The following RAB11FIP3 variants were observed in gnomAD, a reference collection of about 807,000 sequenced individuals.
RAB11FIP3 encodes the protein rab11 family-interacting protein 3.
A neutral mutation model predicts 77.8 loss-of-function variants in RAB11FIP3; 17 were observed. That is an observed-to-expected ratio of 0.22 (90% CI 0.15 to 0.33). The LOEUF is 0.33. RAB11FIP3 is among the 10% of genes least tolerant of loss of function. The probability of loss-of-function intolerance (pLI) is 1.00; values close to 1 mark genes in which losing one functional copy is unlikely to be tolerated. For missense variants in RAB11FIP3, 1,005 were observed against 1,011.2 expected, an observed-to-expected ratio of 0.99 and a Z score of 0.08; for synonymous variants, 437 against 448.2, an observed-to-expected ratio of 0.98 and a Z score of 0.31.
intron 1 of RAB11FIP3, among the ~76,000 whole-genome samples, chr16:459,431 CTTTT>C (rs56705738): frequency 1.7e-5 from 2 of 117,448 alleles, no homozygotes; most frequent in Non-Finnish European, 1.8e-5. Flanking sequence ...CAGCTTCAAA[CTTTT>C]TTTTTTTTTT....
intron 1 of RAB11FIP3, among the ~76,000 whole-genome samples, chr16:441,840 TTTTG>T (rs916272283): frequency 2.6e-5 from 4 of 152,212 alleles, no homozygotes; most frequent in East Asian, 3.9e-4. Flanking sequence ...AATCATGCTT[TTTTG>T]TTTGTTTGTT....
intron 2 of RAB11FIP3, among the ~76,000 whole-genome samples, chr16:467,501 GGCGTC>G (rs1317580205): frequency 4.7e-5 from 7 of 148,746 alleles, no homozygotes; most frequent in East Asian, 4.0e-4. Flanking sequence ...GAGGTGCAGG[GGCGTC>G]AGGGAGGAGG....
chr16:491,063 C>G, intron 5 of RAB11FIP3: 1 of 1,232,278 alleles, frequency 8.1e-7, no homozygotes. Context: ...TCCCCTCGGC[C>G]CCTCGTGCGG....
At chr16:484,540 A>T (rs1455367016) in intron 4 of RAB11FIP3, among the ~76,000 whole-genome samples, 1 of 152,098 alleles carries the variant, frequency 6.6e-6, no homozygotes, top group Non-Finnish European at 1.5e-5. Context: ...TTTAGTAGAG[A>T]CGGGGTTTCA....
In RAB11FIP3 at chr16:505,801, T is replaced by A. The variant is rs551601620; in HGVS notation, c.1499+174T>A. Among the ~76,000 whole-genome samples, 1 of 152,314 alleles carries A rather than the reference T, an allele frequency of 6.6e-6. No individual in the cohort carries two copies. Among genetic ancestry groups the A allele is most frequent in the African/African-American group, 2.4e-5 (1 of 41,558 alleles). On this transcript the variant is annotated intron_variant, in intron 8 of 13. Transcript: ENST00000262305. The surrounding 1 kb of genome is among the most constrained non-coding windows in gnomAD (Gnocchi z 4.0). ...GGTCATCTGAGCCTACCCAGTGGGCTGCAGGCAGGCGACCCGAGGCTCTGA... is the reference window on the plus strand; with the variant it reads ...GGTCATCTGAGCCTACCCAGTGGGCAGCAGGCAGGCGACCCGAGGCTCTGA...
chr16:454,295 C>T (rs2055459151), intron 1 of RAB11FIP3, among the ~76,000 whole-genome samples: 1 of 152,182 alleles, frequency 6.6e-6, no homozygotes, highest in Admixed American at 6.5e-5. Flanking sequence ...AAAACTGTCT[C>T]TAGCCAGGCA....
At chr16:443,693 A>G (rs977227794) in intron 1 of RAB11FIP3, among the ~76,000 whole-genome samples, 17 of 152,076 alleles carry the variant, frequency 1.1e-4, no homozygotes, top group Non-Finnish European at 2.1e-4. Flanking sequence ...AGCCTCCCGA[A>G]TAGCTGGGAC....
intron 3 of RAB11FIP3, 106 bp from the exon 4 acceptor site, chr16:482,419 C>G (rs1253971276): frequency 1.9e-6 from 2 of 1,052,106 alleles, no homozygotes; most frequent in Middle Eastern, 2.0e-4. Context: ...CGTCAGACCC[C>G]TCCCTCCACA....
At chr16:451,850 A>G (rs966173428) in intron 1 of RAB11FIP3, among the ~76,000 whole-genome samples, 4 of 150,226 alleles carry the variant, frequency 2.7e-5, no homozygotes, top group Admixed American at 1.3e-4. Flanking sequence ...CAAACAAAGG[A>G]AAAAAACAAA....
At chr16:433,456 A>G (rs1404208408) in intron 1 of RAB11FIP3, among the ~76,000 whole-genome samples, 1 of 151,766 alleles carries the variant, frequency 6.6e-6, no homozygotes, top group Non-Finnish European at 1.5e-5. Flanking sequence ...AAAACGTGAT[A>G]TTTGTCTTTC....
In RAB11FIP3 at chr16:426,410, C is replaced by G; in HGVS notation, c.404C>G (p.Ala135Gly). The G allele has an allele frequency of 6.3e-7, 1 of 1,583,372 alleles. No homozygotes were observed. The highest frequency in any genetic ancestry group is 8.6e-7 in the Non-Finnish European group (1 of 1,166,616). Residue 135 changes from alanine (A) to glycine (G), a missense_variant, in exon 1 of 14, where the codon GCG (alanine) becomes GGG (glycine). Coordinates refer to ENST00000262305, the MANE Select transcript of RAB11FIP3 (RefSeq NM_014700.4). This position sits in a 1 kb window ranked among gnomAD's most constrained non-coding sequence, Gnocchi z 5.0. ...GAGGAGCCCGAGGAGTGTGGCCCCG[C>G]GAGCTGCCCGGAGAGCGCGCCTTTC... ...WTEEPEECGPASCPESAPFRL... is the reference protein window; with the variant it reads ...WTEEPEECGPGSCPESAPFRL...
chr16:460,423 A>T (rs755154662), intron 1 of RAB11FIP3, among the ~76,000 whole-genome samples: 2 of 152,102 alleles, frequency 1.3e-5, no homozygotes, highest in African/African-American at 2.4e-5. Flanking sequence ...CCATCAGCTG[A>T]GTATTAAGCC....
intron 1 of RAB11FIP3, among the ~76,000 whole-genome samples, chr16:432,941 A>C (rs1164414556): frequency 6.8e-6 from 1 of 146,450 alleles, no homozygotes; most frequent in Non-Finnish European, 1.5e-5. Context: ...ATATTTGTAC[A>C]TATTCATGGG....
intron 2 of RAB11FIP3, among the ~76,000 whole-genome samples, chr16:468,262 G>GCTGGGGCGT (rs1567374320): frequency 2.0e-5 from 2 of 101,964 alleles, no homozygotes; most frequent in Non-Finnish European, 2.1e-5. Flanking sequence ...GGGAGGAGGT[G>GCTGGGGCGT]CAGGGAAGTC....
intron 3 of RAB11FIP3, among the ~76,000 whole-genome samples, chr16:478,042 G>C (rs2055955095): frequency 6.6e-6 from 1 of 152,170 alleles, no homozygotes; most frequent in Non-Finnish European, 1.5e-5. Flanking sequence ...TTTAATAAAG[G>C]GGCCAAAGAT....
chr16:447,129 ACT>A (rs1198312047), intron 1 of RAB11FIP3, among the ~76,000 whole-genome samples: 2 of 150,832 alleles, frequency 1.3e-5, no homozygotes, highest in Non-Finnish European at 3.0e-5. Flanking sequence ...ATATAGTGAG[ACT>A]CTGTTTCTAC....
At chr16:473,030 G>C (rs528351570) in intron 3 of RAB11FIP3, among the ~76,000 whole-genome samples, 55 of 152,302 alleles carry the variant, frequency 3.6e-4, no homozygotes, top group African/African-American at 1.3e-3. Context: ...GCAGGAGCCA[G>C]CCCTGCTCAC....
intron 2 of RAB11FIP3, among the ~76,000 whole-genome samples, chr16:462,284 C>G (rs1330774159): frequency 6.6e-6 from 1 of 152,198 alleles, no homozygotes; most frequent in Non-Finnish European, 1.5e-5. Context: ...TGCAATGGCC[C>G]GATCTCGGCT....
chr16:430,054 C>G (rs2055012182), intron 1 of RAB11FIP3, among the ~76,000 whole-genome samples: 1 of 152,064 alleles, frequency 6.6e-6, no homozygotes, highest in African/African-American at 2.4e-5. Context: ...TAGCAGAAAT[C>G]AGCACATGAA....
Sources: gnomAD v4.1 joint callset for allele counts (sites outside exome capture counted in the v4.1 genomes callset) on GRCh38, gnomAD v4.1.1 for gene constraint, Gnocchi (gnomAD v3.1) non-coding constraint, MANE v1.5 for transcripts, NCBI Gene and HGNC (gene_info 2026-07-23, HGNC 2026-07-21) for gene names.